Variants in CGRRF1 observed in about 807,000 individuals in gnomAD.
CGRRF1 encodes the protein cell growth regulator with ring finger domain 1, also known as cell growth regulator with RING finger domain protein 1.
CGRRF1 carries 32 observed loss-of-function variants against 37.2 expected under a neutral mutation model. The ratio of observed to expected loss-of-function variants is 0.86; its 90% CI spans 0.65 to 1.16. CGRRF1 has a LOEUF of 1.16. CGRRF1 is among the 50% of genes most tolerant of loss of function. CGRRF1 has a pLI of 0.00. For missense variants in CGRRF1, 391 were observed against 382.6 expected (o/e 1.02, Z -0.18); for synonymous variants, 141 against 140.3 (o/e 1.00, Z -0.04).
Position 54,509,966 on chromosome 14 carries a change from G to A in CGRRF1, c.7G>A (p.Ala3Thr). The A allele has an allele frequency of 6.2e-7, 1 of 1,612,598 alleles. No individual in the cohort carries two copies. The highest frequency in any genetic ancestry group is 8.5e-7 in the Non-Finnish European group (1 of 1,178,584). The change falls in exon 1 of 6, where the codon GCG (alanine) becomes ACG (threonine). Residue 3 changes from alanine (A) to threonine (T), a missense_variant. Ala to Thr is a moderately conservative substitution (Grantham distance 58). Transcript: ENST00000216420. MA[A>T]VFLVTLYEYS... ...TACCCAGAGCAAGACCCTGATGGCT[G>A]CGGTGTTTCTGGTAACGCTTTATGA...
intron 4 of CGRRF1, among the ~76,000 whole-genome samples, chr14:54,531,493 A>C (rs1226235054): frequency 6.6e-6 from 1 of 152,172 alleles, no homozygotes; most frequent in Admixed American, 6.5e-5. Flanking sequence ...TGCTGTATAG[A>C]AACAGTCTGT....
At chr14:54,526,553 G>T (rs1242679477) in intron 2 of CGRRF1, among the ~76,000 whole-genome samples, 5 of 151,632 alleles carry the variant, frequency 3.3e-5, no homozygotes, top group African/African-American at 7.3e-5. Flanking sequence ...GGATTTTTTT[G>T]TTGTTGTTAT....
In CGRRF1 at chr14:54,538,408, A is replaced by G. The variant is rs118029512; in HGVS notation, c.*25A>G. ...AAGACATCGTAACACTGAAAAGTAC[A>G]CTTTCTACTAAAGATGCAGAAATTG... On this transcript the variant is annotated 3_prime_UTR_variant, in exon 6 of 6. Coordinates refer to ENST00000216420, the MANE Select transcript of CGRRF1 (RefSeq NM_006568.3). 1.2e-4 allele frequency: 181 copies of G among 1,515,442 alleles called. No homozygotes were observed. In the East Asian group the frequency reaches 4.1e-3, roughly 34 times the overall value. The allele number at this position is 1,515,442 out of a possible 1,614,324, so 93.9% of individuals were successfully genotyped here.
At position 54,537,724 on chromosome 14, in the gene CGRRF1, T is replaced by G; in HGVS notation, c.573T>G (p.Ile191Met). Residue 191 changes from isoleucine (I) to methionine (M), a missense_variant and splice_region_variant, in exon 5 of 6, where the codon ATT (isoleucine) becomes ATG (methionine). Ile to Met is a conservative substitution (Grantham distance 10). Transcript: ENST00000216420. ...CCAGTGTTCAATTTTTATTTTAGAT[T>G]TCCATGGTGTCAGTGATTCATATTC... ...DEDDREIYDI[I>M]SMVSVIHIPD... 1 of 1,552,924 alleles carries G rather than the reference T, an allele frequency of 6.4e-7. No homozygotes were observed. The highest frequency in any genetic ancestry group is 1.3e-5 in the South Asian group (1 of 79,016).
At chr14:54,520,717 T>A (rs2032302562) in intron 1 of CGRRF1, among the ~76,000 whole-genome samples, 1 of 152,212 alleles carries the variant, frequency 6.6e-6, no homozygotes, top group Non-Finnish European at 1.5e-5. Context: ...ATTTATCCAT[T>A]TGATTGTAGT....
At chr14:54,530,418 C>A (rs2032493217) in intron 3 of CGRRF1, 192 bp downstream of exon 3, 1 of 712,382 alleles carries the variant, frequency 1.4e-6, no homozygotes, top group African/African-American at 1.8e-5. Flanking sequence ...ATCCTTTCAT[C>A]TGATATACCC....
intron 4 of CGRRF1, among the ~76,000 whole-genome samples, chr14:54,531,988 T>G (rs1040436057): frequency 1.3e-5 from 2 of 152,178 alleles, no homozygotes; most frequent in Admixed American, 6.6e-5. Flanking sequence ...ATGAACTTAT[T>G]TTTTTCTTCT....
chr14:54,511,171 G>A (rs1454105476), intron 1 of CGRRF1, among the ~76,000 whole-genome samples: 1 of 152,128 alleles, frequency 6.6e-6, no homozygotes, highest in Non-Finnish European at 1.5e-5. Flanking sequence ...TAAAGAACAC[G>A]GGCCCTTGTC....
chr14:54,523,329 T>G (rs527880427), intron 2 of CGRRF1: 1 of 154,292 alleles, frequency 6.5e-6, no homozygotes, highest in Admixed American at 6.5e-5. Flanking sequence ...TGATATAACA[T>G]GTTCTTTTGT....
chr14:54,537,990 T>C, intron 5 of CGRRF1, 73 bp from the exon 6 acceptor site: 1 of 1,456,506 alleles, frequency 6.9e-7, no homozygotes, highest in Non-Finnish European at 9.1e-7. Context: ...TTTAAGCCGC[T>C]TCTTATGACC....
At chr14:54,523,541 CCTT>C (rs150103476) in intron 2 of CGRRF1, among the ~76,000 whole-genome samples, 3,494 of 150,318 alleles carry the variant, frequency 0.023, 90 homozygotes, top group East Asian at 0.095. Flanking sequence ...ATTCCTTCCT[CCTT>C]TTTTTTTTTT....
At chr14:54,534,998 C>T (rs113852757) in intron 4 of CGRRF1, among the ~76,000 whole-genome samples, 2 of 152,136 alleles carry the variant, frequency 1.3e-5, no homozygotes, top group South Asian at 2.1e-4. Context: ...AGATTACAGG[C>T]GTGAGCCACC....
At chr14:54,531,380 A>AT (rs1023611154) in intron 4 of CGRRF1, among the ~76,000 whole-genome samples, 1 of 152,098 alleles carries the variant, frequency 6.6e-6, no homozygotes, top group African/African-American at 2.4e-5. Flanking sequence ...AGTATGACTC[A>AT]TTTTTTGCCT....
intron 1 of CGRRF1, chr14:54,510,396 G>A: frequency 2.9e-6 from 1 of 342,020 alleles, no homozygotes; most frequent in Non-Finnish European, 5.5e-6. Context: ...TGCTTCTCTA[G>A]TAGGCTTCTG....
At chr14:54,524,979 C>T (rs780059247) in intron 2 of CGRRF1, among the ~76,000 whole-genome samples, 13 of 151,990 alleles carry the variant, frequency 8.6e-5, no homozygotes, top group Non-Finnish European at 1.6e-4. Context: ...TCCAGGAGGT[C>T]GAGGTTGCAG....
At position 54,539,287 on chromosome 14, in the gene CGRRF1, A is replaced by G. The variant is rs1293689431; in HGVS notation, c.*904A>G. The G allele has an allele frequency of 6.6e-6, 1 of 152,128 alleles. No individual in the cohort carries two copies. Among genetic ancestry groups the G allele is most frequent in the Non-Finnish European group, 1.5e-5 (1 of 68,020 alleles). 9.4% of individuals were successfully genotyped at this position (152,128 alleles called of 1,614,324 possible). On this transcript the variant is annotated 3_prime_UTR_variant, in exon 6 of 6. Transcript: ENST00000216420. ...AAATAAACCCTGTATTCTTCTGAAT[A>G]GTAAATTACTTTATTCATCCATTGT... is the stretch of plus-strand genomic sequence containing the variant.
At position 54,530,885 on chromosome 14, in the gene CGRRF1, C is replaced by A; in HGVS notation, c.423-18C>A. ...TCTTATGGTTATAGTGGCAATTTAC[C>A]TTTACATTTTCAAAAAGTATTAAAA... On this transcript the variant is annotated intron_variant, in intron 3 of 5. Transcript: ENST00000216420. The A allele has an allele frequency of 6.5e-7, 1 of 1,550,016 alleles. No individual in the cohort carries two copies. The highest frequency in any genetic ancestry group is 8.9e-7 in the Non-Finnish European group (1 of 1,126,904).
At chr14:54,523,361 AGTT>A (rs2032354651) in intron 2 of CGRRF1, 1 of 154,144 alleles carries the variant, frequency 6.5e-6, no homozygotes, top group Non-Finnish European at 1.5e-5. Context: ...AATAGATGGC[AGTT>A]GTTTGCTTTT....
chr14:54,524,756 A>G (rs1406751632), intron 2 of CGRRF1, among the ~76,000 whole-genome samples: 5 of 152,122 alleles, frequency 3.3e-5, no homozygotes, highest in Non-Finnish European at 5.9e-5. Flanking sequence ...CTATGAATTG[A>G]TGGAAACTAG....
Sources: allele counts gnomAD v4.1 joint callset (sites outside exome capture counted in the v4.1 genomes callset), GRCh38; gene constraint gnomAD v4.1.1; transcripts MANE v1.5; gene names NCBI Gene and HGNC (gene_info 2026-07-23, HGNC 2026-07-21).